ZC3H11A: variants seen among roughly 807,000 people sequenced by gnomAD.
The protein encoded by ZC3H11A is zinc finger CCCH-type containing 11A.
A neutral mutation model predicts 90.8 loss-of-function variants in ZC3H11A; 22 were observed. The ratio of observed to expected loss-of-function variants is 0.24; its 90% CI spans 0.17 to 0.35. The LOEUF (loss-of-function observed/expected upper bound fraction) is 0.35, where lower values mean the gene tolerates loss of function less well. Ranked by LOEUF, ZC3H11A falls within the 10% of genes least tolerant of loss-of-function variation. The pLI is 1.00. For synonymous variants in ZC3H11A, 294 were observed against 339.8 expected (o/e 0.87, Z 1.48); for missense variants, 701 against 964.9 (o/e 0.73, Z 3.62).
chr1:203,839,173 T>A (rs1220379957), intron 11 of ZC3H11A, among the ~76,000 whole-genome samples: 1 of 152,088 alleles, frequency 6.6e-6, no homozygotes, highest in Non-Finnish European at 1.5e-5. Flanking sequence ...TTTGGAGACG[T>A]GGACTAAATC....
intron 9 of ZC3H11A, among the ~76,000 whole-genome samples, chr1:203,832,518 G>C (rs967619775): frequency 2.0e-5 from 3 of 151,886 alleles, no homozygotes; most frequent in Non-Finnish European, 4.4e-5. Flanking sequence ...CCGCCACCAC[G>C]CCTGGCTAAT....
intron 2 of ZC3H11A, among the ~76,000 whole-genome samples, chr1:203,803,509 G>A (rs1159702896): frequency 2.0e-5 from 3 of 152,086 alleles, no homozygotes; most frequent in African/African-American, 7.2e-5. Context: ...TTCTTTCTTT[G>A]TTTTGATAAT....
chr1:203,833,922 ACT>A (rs1683346655), intron 10 of ZC3H11A, 69 bp downstream of exon 10: 2 of 1,543,088 alleles, frequency 1.3e-6, no homozygotes, highest in South Asian at 2.4e-5. Flanking sequence ...GCTTCTCCAA[ACT>A]CTTTTTATAC....
At chr1:203,830,279 G>A (rs1353900704) in intron 8 of ZC3H11A, 76 bp downstream of exon 8, 2 of 1,070,762 alleles carry the variant, frequency 1.9e-6, no homozygotes, top group African/African-American at 1.6e-5. Flanking sequence ...AGAAGCAACA[G>A]CCAAAATGAG....
chr1:203,805,971 C>T (rs1672189216), intron 2 of ZC3H11A: 1 of 600,528 alleles, frequency 1.7e-6, no homozygotes, highest in East Asian at 4.0e-5. Context: ...TCTTGGTATC[C>T]TTCAATGACT....
chr1:203,838,476 C>CT (rs1336806218), intron 11 of ZC3H11A, among the ~76,000 whole-genome samples: 1 of 152,186 alleles, frequency 6.6e-6, no homozygotes, highest in Non-Finnish European at 1.5e-5. Flanking sequence ...GAGCCAGAGA[C>CT]TGTGTCTCAG....
chr1:203,829,206 C>A (rs1000850489), intron 5 of ZC3H11A: 6 of 550,658 alleles, frequency 1.1e-5, no homozygotes, highest in African/African-American at 9.4e-5. Flanking sequence ...TATGCTTCTT[C>A]TAGTCTTCTG....
rs1348657019 is a variant in ZC3H11A, at chr1:203,851,048, C to G, written c.2107-9C>G. 3.7e-6 allele frequency: 6 copies of G among 1,613,700 alleles called. No individual in the cohort carries two copies. In the African/African-American group the frequency reaches 5.3e-5, roughly 14 times the overall value. On this transcript the variant is annotated splice_polypyrimidine_tract_variant and intron_variant, in intron 16 of 17. Coordinates refer to ENST00000367210, the MANE Select transcript of ZC3H11A (RefSeq NM_001376342.1). The stretch of plus-strand genomic sequence containing the variant: ...CTCTCACTGAATTACCTGACTCTTC[C>G]TTTTGTAGGCTGTTGTCCCGCTTGT...
intron 12 of ZC3H11A, among the ~76,000 whole-genome samples, chr1:203,843,512 T>C (rs985984813): frequency 2.0e-5 from 3 of 152,200 alleles, no homozygotes; most frequent in African/African-American, 7.2e-5. Flanking sequence ...AGACAAGGAA[T>C]TGACAATTTT....
At chr1:203,834,174 A>C (rs1683422666) in intron 10 of ZC3H11A, 1 of 702,396 alleles carries the variant, frequency 1.4e-6, no homozygotes. Context: ...TGATTGGTTA[A>C]TATAATGTGT....
chr1:203,798,413 A>G, intron 1 of ZC3H11A: 1 of 1,533,436 alleles, frequency 6.5e-7, no homozygotes, highest in African/African-American at 1.4e-5. Flanking sequence ...GGGGTAGGCC[A>G]GGGTCCCACT....
rs200680585 is a variant in ZC3H11A, at chr1:203,816,911, G to A, written c.-145-15G>A. ...TTTACCTGAAATATTTTAATTCATT[G>A]TCTCCTCATTTTAGGATTACAGTTT... On this transcript the variant is annotated splice_polypyrimidine_tract_variant and intron_variant, in intron 2 of 17. Transcript: ENST00000367210. The A allele has an allele frequency of 7.0e-5, 37 of 525,004 alleles. No individual in the cohort carries two copies. In the East Asian group the frequency reaches 7.8e-4, roughly 11 times the overall value. The allele number at this position is 525,004 out of a possible 1,614,324, so 32.5% of individuals were successfully genotyped here.
chr1:203,851,560 C>T (rs891725687), intron 17 of ZC3H11A, among the ~76,000 whole-genome samples: 19 of 152,104 alleles, frequency 1.2e-4, no homozygotes, highest in Non-Finnish European at 2.5e-4. Flanking sequence ...AAACTCCTGA[C>T]GTCAAGTGAT....
chr1:203,813,667 A>G (rs1382702618), intron 2 of ZC3H11A, among the ~76,000 whole-genome samples: 1 of 152,144 alleles, frequency 6.6e-6, no homozygotes, highest in Non-Finnish European at 1.5e-5. Context: ...TGAGATGTCT[A>G]AAATGTTTTC....
At chr1:203,803,176 A>T (rs1671042329) in intron 2 of ZC3H11A, among the ~76,000 whole-genome samples, 160 bp downstream of exon 2, 1 of 151,946 alleles carries the variant, frequency 6.6e-6, no homozygotes, top group South Asian at 2.1e-4. Flanking sequence ...ATGGAAACAT[A>T]TTTTTTTCTT....
At chr1:203,821,301 G>A (rs922642314) in intron 4 of ZC3H11A, among the ~76,000 whole-genome samples, 6 of 152,016 alleles carry the variant, frequency 3.9e-5, no homozygotes, top group East Asian at 1.9e-4. Flanking sequence ...AGAACTGTGA[G>A]TTAGTTAAAC....
At chr1:203,846,344 G>A (rs921136830) in intron 12 of ZC3H11A, among the ~76,000 whole-genome samples, 3 of 152,178 alleles carry the variant, frequency 2.0e-5, no homozygotes, top group East Asian at 1.9e-4. Flanking sequence ...GATATAGAAC[G>A]ATTAATGTAT....
Position 203,829,864 on chromosome 1 carries a change from C to A in ZC3H11A, c.587C>A (p.Ser196Tyr). Residue 196 changes from serine (S) to tyrosine (Y), a missense_variant, in exon 7 of 18, where the codon TCT becomes TAT. This residue lies in a region of ZC3H11A where 530 missense variants were observed against 696.2 expected (regional missense o/e 0.76). Transcript: ENST00000367210. ...GTTCACAATGGATTACGAGTGACTT[C>A]TGTCCGGAAACCTGCAGTCAATATA... The part of the protein sequence containing the change: ...PEVHNGLRVT[S>Y]VRKPAVNIKQ... The A allele has an allele frequency of 6.2e-7, 1 of 1,614,136 alleles. No individual in the cohort carries two copies. The highest frequency in any genetic ancestry group is 8.5e-7 in the Non-Finnish European group (1 of 1,179,998).
intron 2 of ZC3H11A, among the ~76,000 whole-genome samples, chr1:203,813,971 GT>G (rs34130261): frequency 0.86 from 125,261 of 146,140 alleles, 53,615 homozygotes; most frequent in East Asian, 0.98. Flanking sequence ...ATACATTCTT[GT>G]TTTTTTTTTT....
Sources: gnomAD v4.1 joint callset for allele counts (sites outside exome capture counted in the v4.1 genomes callset) on GRCh38, gnomAD v4.1.1 for gene constraint, gnomAD v4.1.1 regional missense constraint, MANE v1.5 for transcripts, NCBI Gene and HGNC (gene_info 2026-07-23, HGNC 2026-07-21) for gene names.